GOLM2: variants seen among roughly 807,000 people sequenced by gnomAD.
GOLM2 encodes the protein golgi membrane protein 2.
In GOLM2, 26 loss-of-function variants were observed where a neutral mutation model predicts 55.9. That is an observed-to-expected ratio of 0.47 (90% confidence interval 0.34 to 0.65). GOLM2 has a LOEUF of 0.65. GOLM2 is among the 30% of genes least tolerant of loss of function. GOLM2 has a pLI of 0.01. For synonymous variants in GOLM2, 165 were observed against 194.6 expected, an observed-to-expected ratio of 0.85 and a Z score of 1.27; for missense variants, 486 against 531.8, an observed-to-expected ratio of 0.91 and a Z score of 0.85.
chr15:44,408,809 A>C (rs2079614580), intron 9 of GOLM2, among the ~76,000 whole-genome samples: 1 of 152,148 alleles, frequency 6.6e-6, no homozygotes, highest in Admixed American at 6.5e-5. Flanking sequence ...AAAATACAAA[A>C]AAAATTCAGC....
At chr15:44,337,976 G>A (rs1208736961) in intron 5 of GOLM2, 69 bp downstream of exon 5, 9 of 1,381,844 alleles carry the variant, frequency 6.5e-6, no homozygotes, top group Non-Finnish European at 7.9e-6. Flanking sequence ...TTTTGAAGTG[G>A]ATATTTTCAA....
At chr15:44,383,230 C>T (rs2079416752) in intron 8 of GOLM2, among the ~76,000 whole-genome samples, 2 of 151,768 alleles carry the variant, frequency 1.3e-5, no homozygotes, top group African/African-American at 4.8e-5. Context: ...TTCGTATTTT[C>T]TCATTGTAGC....
chr15:44,384,972 A>C (rs1463301540), intron 8 of GOLM2, among the ~76,000 whole-genome samples: 1 of 151,338 alleles, frequency 6.6e-6, no homozygotes, highest in Non-Finnish European at 1.5e-5. Flanking sequence ...ATTTAGCATA[A>C]TTTTTCTGAA....
rs201124610 is a variant in GOLM2, at chr15:44,344,780, A to ATTTT, written c.802+6475_802+6478dup. Among the ~76,000 whole-genome samples the ATTTT allele has an allele frequency of 5.0e-5, 7 of 141,266 alleles. No individual in the cohort carries two copies. The East Asian group carries it at 1.4e-3, about 29-fold the overall frequency. 92.7% of individuals were successfully genotyped at this position (141,266 alleles called of 152,430 possible). On this transcript the variant is annotated intron_variant, in intron 6 of 9. Coordinates refer to ENST00000299957, the MANE Select transcript of GOLM2 (RefSeq NM_138423.4). Reference sequence around the variant, plus strand: ...ACTTATTTATTTATTTATTTAATTAATTTTTTTTTTTTTTTGAGTCGGAGT... The same window carrying ATTTT: ...ACTTATTTATTTATTTATTTAATTAATTTTTTTTTTTTTTTTTTTGAGTCGGAGT...
At chr15:44,382,157 T>G (rs1421848012) in intron 8 of GOLM2, 1 of 152,176 alleles carries the variant, frequency 6.6e-6, no homozygotes, top group Non-Finnish European at 1.5e-5. Flanking sequence ...TTACAAAGAT[T>G]TAGCTAACAT....
At position 44,393,153 on chromosome 15, in the gene GOLM2, A is replaced by G. The variant is rs892236206; in HGVS notation, c.1073-9734A>G. Among the ~76,000 whole-genome samples the G allele has an allele frequency of 6.6e-5, 10 of 152,334 alleles. No individual in the cohort carries two copies. The South Asian group carries it at 1.2e-3, about 19-fold the overall frequency. ...GTAGAAAACTCAAAACAATTTATAA[A>G]CAAATGTATTTAGCAAAGTTATTAC... On this transcript the variant is annotated intron_variant, in intron 8 of 9. Transcript: ENST00000299957.
chr15:44,335,697 C>G (rs1277363606), intron 4 of GOLM2, among the ~76,000 whole-genome samples: 1 of 151,970 alleles, frequency 6.6e-6, no homozygotes, highest in Non-Finnish European at 1.5e-5. Context: ...ATTAAACTAT[C>G]AGAATTGATT....
chr15:44,290,710 C>G (rs997823888), intron 1 of GOLM2, among the ~76,000 whole-genome samples: 1 of 152,204 alleles, frequency 6.6e-6, no homozygotes, highest in African/African-American at 2.4e-5. Flanking sequence ...TCACATTCTT[C>G]TCTCTGGTCT....
At position 44,332,087 on chromosome 15, in the gene GOLM2, T is replaced by A. The variant is rs774823921; in HGVS notation, c.576+9T>A. ...TTTTAGAGGAACAAAAGGTAAATTT[T>A]AAAAATATACTTAAATCCAAATATT... On this transcript the variant is annotated intron_variant, in intron 4 of 9. Coordinates refer to ENST00000299957, the MANE Select transcript of GOLM2 (RefSeq NM_138423.4). 4 of 1,296,824 alleles carry A rather than the reference T, an allele frequency of 3.1e-6. No individual in the cohort carries two copies. Among genetic ancestry groups the A allele is most frequent in the East Asian group, 2.4e-5 (1 of 42,514 alleles). 80.3% of individuals were successfully genotyped at this position (1,296,824 alleles called of 1,614,324 possible).
At chr15:44,364,139 T>G (rs1208167926) in intron 6 of GOLM2, among the ~76,000 whole-genome samples, 3 of 152,192 alleles carry the variant, frequency 2.0e-5, no homozygotes, top group Non-Finnish European at 4.4e-5. Context: ...CACATGTATA[T>G]GTATGTAACT....
chr15:44,378,950 T>C (rs1285722267), intron 6 of GOLM2, among the ~76,000 whole-genome samples: 2 of 152,132 alleles, frequency 1.3e-5, no homozygotes, highest in African/African-American at 4.8e-5. Context: ...TTTCACCTTG[T>C]TGGCCAAGCT....
intron 1 of GOLM2, among the ~76,000 whole-genome samples, chr15:44,293,431 G>C (rs1037660841): frequency 1.3e-5 from 2 of 152,074 alleles, no homozygotes; most frequent in African/African-American, 2.4e-5. Context: ...TTTAATTCCA[G>C]GATCTCATCC....
At position 44,414,492 on chromosome 15, in the gene GOLM2, G is replaced by A. The variant is rs1160471892; in HGVS notation, c.*1086G>A. On this transcript the variant is annotated 3_prime_UTR_variant, in exon 10 of 10. Transcript: ENST00000299957. ...TACTGTTTAACTATAGCCAGAACTGGCTAAAATTTTTATATTTTCAGAGTT... is the reference window on the plus strand; with the variant it reads ...TACTGTTTAACTATAGCCAGAACTGACTAAAATTTTTATATTTTCAGAGTT... The A allele has an allele frequency of 6.6e-6, 1 of 152,098 alleles. No homozygotes were observed. Among genetic ancestry groups the A allele is most frequent in the Non-Finnish European group, 1.5e-5 (1 of 68,014 alleles). The allele number at this position is 152,098 out of a possible 1,614,324, so 9.4% of individuals were successfully genotyped here. A position where few individuals can be genotyped will look rare whatever the true frequency, so the allele number is the denominator to read the frequency against.
intron 1 of GOLM2, among the ~76,000 whole-genome samples, chr15:44,309,415 A>G (rs191850690): frequency 6.6e-6 from 1 of 152,330 alleles, no homozygotes; most frequent in East Asian, 1.9e-4. Context: ...AAATCATCAA[A>G]TTGTGTACCT....
chr15:44,391,975 C>T (rs779683977), intron 8 of GOLM2, among the ~76,000 whole-genome samples: 20 of 152,004 alleles, frequency 1.3e-4, no homozygotes, highest in Admixed American at 9.2e-4. Flanking sequence ...CTCAGCCTCC[C>T]GAGTAGCTGG....
rs58317520 is a variant in GOLM2, at chr15:44,369,067, TTATATATATATATATA to T, written c.803-10588_803-10573del. Among the ~76,000 whole-genome samples the T allele has an allele frequency of 4.6e-3, 106 of 22,978 alleles. 1 individual carries two copies. The highest frequency in any genetic ancestry group is 0.015 in the South Asian group (8 of 534). The allele number at this position is 22,978 out of a possible 152,430, so 15.1% of individuals were successfully genotyped here. ...AGATATATACATATAATAGGATATA[TTATATATATATATATA>T]TATATATATATATATATATATATAT... On this transcript the variant is annotated intron_variant, in intron 6 of 9. Transcript: ENST00000299957.
Position 44,380,995 on chromosome 15 carries a change from A to T in GOLM2, c.1072+19A>T. 6.8e-7 allele frequency: 1 copy of T among 1,465,014 alleles called. No individual in the cohort carries two copies. The highest frequency in any genetic ancestry group is 9.2e-7 in the Non-Finnish European group (1 of 1,087,602). 90.8% of individuals were successfully genotyped at this position (1,465,014 alleles called of 1,614,324 possible). A position where few individuals can be genotyped will look rare whatever the true frequency, so the allele number is the denominator to read the frequency against. On this transcript the variant is annotated intron_variant, in intron 8 of 9. Coordinates refer to ENST00000299957, the MANE Select transcript of GOLM2 (RefSeq NM_138423.4). ...AAGCAAAGTAAGAATCAATTGATGA[A>T]TATTATGCTAAAAATATTTCTTTAA...
intron 9 of GOLM2, among the ~76,000 whole-genome samples, chr15:44,407,206 T>C (rs944277174): frequency 4.8e-5 from 7 of 146,780 alleles, no homozygotes; most frequent in Non-Finnish European, 9.0e-5. Flanking sequence ...ATATTTATAT[T>C]TATATTATAT....
intron 9 of GOLM2, among the ~76,000 whole-genome samples, chr15:44,411,787 C>T (rs1348103668): frequency 7.1e-6 from 1 of 141,496 alleles, no homozygotes. Context: ...TGAGATCATG[C>T]AACTGCACTC....
Sources: gnomAD v4.1 joint callset for allele counts (sites outside exome capture counted in the v4.1 genomes callset) on GRCh38, gnomAD v4.1.1 for gene constraint, MANE v1.5 for transcripts, NCBI Gene and HGNC (gene_info 2026-07-23, HGNC 2026-07-21) for gene names.